The following SNCAIP variants were observed in gnomAD, a reference collection of about 807,000 sequenced individuals.
SNCAIP encodes synuclein alpha interacting protein, also known as synphilin-1.
Under a neutral mutation model 86.7 loss-of-function variants are expected in SNCAIP, and 43 were observed. The observed-to-expected ratio is 0.50, with a 90% confidence interval of 0.39 to 0.64. The LOEUF is 0.64. Among genes scored for constraint, SNCAIP ranks in the 30% least tolerant of loss-of-function variants. The pLI, the probability that SNCAIP is intolerant of heterozygous loss-of-function variation, is 0.00. For missense variants in SNCAIP, 981 were observed against 1,103.1 expected, an observed-to-expected ratio of 0.89 and a Z score of 1.57; for synonymous variants, 417 against 427.2, an observed-to-expected ratio of 0.98 and a Z score of 0.29.
intron 2 of SNCAIP, among the ~76,000 whole-genome samples, chr5:122,398,382 C>A (rs997434631): frequency 6.6e-6 from 1 of 152,018 alleles, no homozygotes; most frequent in Non-Finnish European, 1.5e-5. Context: ...GACAATGGAA[C>A]ACAGTTTATA....
chr5:122,423,226 G>A lies in SNCAIP; in HGVS notation c.489G>A (p.Gln163=). Residue 163 remains glutamine (Q), a synonymous_variant, in exon 4 of 11, where the codon CAG becomes CAA. Transcript: ENST00000261368. Reference sequence around the variant, plus strand: ...ATGTGCCTTATATTAAATCCAGTCAGCAGCTTGCCTCTTTTACCAAGGTGA... The same window carrying A: ...ATGTGCCTTATATTAAATCCAGTCAACAGCTTGCCTCTTTTACCAAGGTGA... ...ILDVPYIKSS[Q]QLASFTKVTS... is the part of the protein sequence containing the mutation. The A allele has an allele frequency of 6.2e-7, 1 of 1,614,152 alleles. No individual in the cohort carries two copies. The highest frequency in any genetic ancestry group is 8.5e-7 in the Non-Finnish European group (1 of 1,180,018).
chr5:122,406,986 G>T (rs1773142327), intron 3 of SNCAIP, among the ~76,000 whole-genome samples: 1 of 152,130 alleles, frequency 6.6e-6, no homozygotes, highest in Non-Finnish European at 1.5e-5. Context: ...TCTTTGACCA[G>T]ATGTTCTCAT....
intron 1 of SNCAIP, among the ~76,000 whole-genome samples, chr5:122,327,609 G>A (rs1754375063): frequency 6.6e-6 from 1 of 152,180 alleles, no homozygotes; most frequent in Non-Finnish European, 1.5e-5. Flanking sequence ...GTCACCTTGT[G>A]AAGAAGGTAC....
intron 1 of SNCAIP, chr5:122,383,674 G>A (rs1222770038): frequency 2.0e-5 from 3 of 152,018 alleles, no homozygotes; most frequent in Admixed American, 6.6e-5. Flanking sequence ...TCAATATTTG[G>A]GTTTCAGATA....
At chr5:122,415,891 A>T (rs1248869921) in intron 3 of SNCAIP, among the ~76,000 whole-genome samples, 1 of 152,240 alleles carries the variant, frequency 6.6e-6, no homozygotes, top group Non-Finnish European at 1.5e-5. Context: ...GAATGAACAC[A>T]AAACTTAATC....
Position 122,451,253 on chromosome 5 carries a change from A to G in SNCAIP, c.2406A>G (p.Pro802=). 6.2e-7 allele frequency: 1 copy of G among 1,614,176 alleles called. No homozygotes were observed. The highest frequency in any genetic ancestry group is 8.5e-7 in the Non-Finnish European group (1 of 1,180,030). The change falls in exon 10 of 11, where the codon CCA becomes CCG. Residue 802 remains proline (P), a synonymous_variant. Transcript: ENST00000261368. ...ATSPKSALKS[P]SSKRRTSQNL... ...GTCCCAAGAGTGCCCTCAAGTCTCCATCTTCCAAGCGTAGGACATCTCAGA... is the reference window on the plus strand; with the variant it reads ...GTCCCAAGAGTGCCCTCAAGTCTCCGTCTTCCAAGCGTAGGACATCTCAGA...
chr5:122,353,444 A>C (rs1383331578), intron 1 of SNCAIP, among the ~76,000 whole-genome samples: 1 of 151,656 alleles, frequency 6.6e-6, no homozygotes, highest in Non-Finnish European at 1.5e-5. Flanking sequence ...TTAAGCAAAA[A>C]AAAAAAAAAA....
chr5:122,375,955 G>A (rs1765222720), intron 1 of SNCAIP, among the ~76,000 whole-genome samples: 2 of 152,056 alleles, frequency 1.3e-5, no homozygotes, highest in South Asian at 4.1e-4. Context: ...GCTGAGGATA[G>A]CCATTAGCTT....
At chr5:122,325,233 A>G (rs1753778965) in intron 1 of SNCAIP, among the ~76,000 whole-genome samples, 1 of 152,174 alleles carries the variant, frequency 6.6e-6, no homozygotes, top group African/African-American at 2.4e-5. Flanking sequence ...GCCTTATGGA[A>G]TCCAATCAGC....
At chr5:122,421,787 G>A (rs1002992008) in intron 3 of SNCAIP, among the ~76,000 whole-genome samples, 3 of 151,984 alleles carry the variant, frequency 2.0e-5, no homozygotes, top group Admixed American at 6.6e-5. Context: ...CAGTGGAGTG[G>A]CCCAGGGAGG....
chr5:122,425,617 G>C (rs1189462938), intron 5 of SNCAIP, 86 bp downstream of exon 5: 1 of 1,092,740 alleles, frequency 9.2e-7, no homozygotes, highest in Non-Finnish European at 1.4e-6. Flanking sequence ...TGTTGGAAGG[G>C]AGAGAAGAGA....
intron 1 of SNCAIP, among the ~76,000 whole-genome samples, chr5:122,336,373 C>T (rs1756465105): frequency 6.6e-6 from 1 of 152,180 alleles, no homozygotes; most frequent in Admixed American, 6.5e-5. Flanking sequence ...CAAGATCATA[C>T]AGCTGGTTAC....
At chr5:122,335,747 A>G (rs1000564862) in intron 1 of SNCAIP, among the ~76,000 whole-genome samples, 3 of 152,222 alleles carry the variant, frequency 2.0e-5, no homozygotes, top group African/African-American at 7.2e-5. Context: ...GCTCTTCGGC[A>G]TTGTACTGAG....
Position 122,365,153 on chromosome 5 carries a change from G to A in SNCAIP, c.-46-25936G>A, listed in dbSNP as rs531395781. 5.3e-5 allele frequency among the ~76,000 whole-genome samples: 8 copies of A among 152,020 alleles called. No homozygotes were observed. In the East Asian group the frequency reaches 1.5e-3, roughly 29 times the overall value. On this transcript the variant is annotated intron_variant, in intron 1 of 10. Transcript: ENST00000261368. ...TTTAGCTTATTTACTCCTGTGAAAT[G>A]TCCATCTTCTTTTTGCTTTCCCTAA... is the stretch of plus-strand genomic sequence containing the variant.
intron 3 of SNCAIP, among the ~76,000 whole-genome samples, chr5:122,415,266 A>C (rs1775074067): frequency 6.6e-6 from 1 of 152,214 alleles, no homozygotes; most frequent in East Asian, 1.9e-4. Flanking sequence ...CTGCATGGGC[A>C]GACCCACAGA....
In SNCAIP at chr5:122,449,938, G is replaced by A. The variant is rs184273181; in HGVS notation, c.1685+1G>A. The A allele has an allele frequency of 1.9e-6, 3 of 1,595,244 alleles. No individual in the cohort carries two copies. The highest frequency in any genetic ancestry group is 2.2e-5 in the East Asian group (1 of 44,746). ...GCAAGTCACTCCCTTCTTCACCCAG[G>A]TAATACCAGCACATTGTTGTTTAGC... On this transcript the variant is annotated splice_donor_variant, in intron 9 of 10. Coordinates refer to ENST00000261368, the MANE Select transcript of SNCAIP (RefSeq NM_005460.4). LOFTEE classifies it high-confidence loss of function.
At chr5:122,327,835 TGTATGTCA>T (rs1411141552) in intron 1 of SNCAIP, among the ~76,000 whole-genome samples, 2 of 152,200 alleles carry the variant, frequency 1.3e-5, no homozygotes, top group African/African-American at 4.8e-5. Context: ...AAGAAACATT[TGTATGTCA>T]GTAGTGGAGT....
chr5:122,440,106 G>GT (rs780503293), intron 6 of SNCAIP, among the ~76,000 whole-genome samples: 7 of 152,196 alleles, frequency 4.6e-5, no homozygotes, highest in Admixed American at 6.5e-5. Context: ...GTATTTACCT[G>GT]TTTTTTATAA....
At chr5:122,350,902 C>T (rs947389664) in intron 1 of SNCAIP, among the ~76,000 whole-genome samples, 3 of 152,298 alleles carry the variant, frequency 2.0e-5, no homozygotes, top group Non-Finnish European at 2.9e-5. Context: ...GAAGCCGGAA[C>T]ACCAAAGACC....
Sources: allele counts gnomAD v4.1 joint callset (sites outside exome capture counted in the v4.1 genomes callset), GRCh38; gene constraint gnomAD v4.1.1; transcripts MANE v1.5; gene names NCBI Gene and HGNC (gene_info 2026-07-23, HGNC 2026-07-21).